Variants in PGM1 observed in about 807,000 individuals in gnomAD.
The protein encoded by PGM1 is phosphoglucomutase-1.
PGM1 carries 52 observed loss-of-function variants against 55.6 expected under a neutral mutation model. The observed-to-expected ratio is 0.94, with a 90% CI of 0.75 to 1.18. PGM1 has a LOEUF of 1.18. PGM1 is among the 50% of genes most tolerant of loss of function. The pLI, the probability that PGM1 is intolerant of heterozygous loss-of-function variation, is 0.00. For missense variants in PGM1, 724 were observed against 729.3 expected (o/e 0.99, Z 0.08); for synonymous variants, 287 against 271.7 (o/e 1.06, Z -0.55).
chr1:63,610,796 A>T (rs984055737), intron 1 of PGM1, among the ~76,000 whole-genome samples: 1 of 152,188 alleles, frequency 6.6e-6, no homozygotes, highest in Non-Finnish European at 1.5e-5. Flanking sequence ...ACTGTTCTGT[A>T]TAACTTTAGG....
chr1:63,648,432 G>A (rs1649710884), intron 7 of PGM1, 85 bp from the exon 8 acceptor site: 2 of 1,481,742 alleles, frequency 1.3e-6, no homozygotes, highest in African/African-American at 2.8e-5. Context: ...TTTGGGTGGG[G>A]ATGCAGAGCC....
At position 63,593,554 on chromosome 1, in the gene PGM1, G is replaced by T. The variant is rs751586075; in HGVS notation, c.66G>T (p.Leu22=). ...ACCAGAAGCCGGGCACGAGCGGGCT[G>T]CGGAAGCGGGTGAAGGTGTTCCAGA... is the stretch of plus-strand genomic sequence containing the variant. ...YQDQKPGTSG[L]RKRVKVFQSS... The change falls in exon 1 of 11, where the codon CTG becomes CTT. Residue 22 remains leucine, a synonymous_variant. Transcript: ENST00000371084. The T allele has an allele frequency of 1.2e-6, 2 of 1,613,784 alleles. No homozygotes were observed. The highest frequency in any genetic ancestry group is 2.7e-5 in the African/African-American group (2 of 74,936).
chr1:63,631,534 G>A lies in PGM1; in HGVS notation c.557-123G>A, dbSNP rs1265127513. ...ATCACTTAACAGCCGTATTATTGGA[G>A]CTGTTCAATAATTGTCCTTTTAAAA... On this transcript the variant is annotated intron_variant, in intron 3 of 10. Coordinates refer to ENST00000371084, the MANE Select transcript of PGM1 (RefSeq NM_002633.3). 2.3e-5 allele frequency: 20 copies of A among 854,758 alleles called. No homozygotes were observed. In the East Asian group the frequency reaches 4.9e-4, roughly 21 times the overall value. 52.9% of individuals were successfully genotyped at this position (854,758 alleles called of 1,614,324 possible).
intron 1 of PGM1, among the ~76,000 whole-genome samples, chr1:63,614,128 G>A (rs1648645600): frequency 6.6e-6 from 1 of 152,172 alleles, no homozygotes; most frequent in Non-Finnish European, 1.5e-5. Flanking sequence ...ACTGTGCTGA[G>A]CACTTTACAT....
At chr1:63,634,125 T>C (rs1649296835) in intron 4 of PGM1, among the ~76,000 whole-genome samples, 1 of 151,186 alleles carries the variant, frequency 6.6e-6, no homozygotes, top group Admixed American at 6.6e-5. Flanking sequence ...CTTGTCATAA[T>C]ATAAAGATAA....
chr1:63,648,657 G>A lies in PGM1; in HGVS notation c.1280+5G>A. On this transcript the variant is annotated splice_donor_5th_base_variant and intron_variant, in intron 8 of 10. Coordinates refer to ENST00000371084, the MANE Select transcript of PGM1 (RefSeq NM_002633.3). ...TGGCCGGAATTTCTTCACCAGGTGA[G>A]CCACAGCCCAGCTGGGGTACAAGGT... The A allele has an allele frequency of 6.2e-7, 1 of 1,613,710 alleles. No individual in the cohort carries two copies.
chr1:63,643,152 T>C (rs1649561018), intron 7 of PGM1, among the ~76,000 whole-genome samples: 2 of 152,172 alleles, frequency 1.3e-5, no homozygotes, highest in Admixed American at 6.5e-5. Context: ...CAGGGGAAGA[T>C]TGTAGCACCC....
At chr1:63,608,880 T>C (rs1471951405) in intron 1 of PGM1, among the ~76,000 whole-genome samples, 1 of 152,220 alleles carries the variant, frequency 6.6e-6, no homozygotes, top group Admixed American at 6.5e-5. Flanking sequence ...AATCGTAATA[T>C]CTGCCTTGAA....
chr1:63,620,478 C>A (rs1408449344), intron 1 of PGM1, among the ~76,000 whole-genome samples: 4 of 152,088 alleles, frequency 2.6e-5, no homozygotes, highest in Non-Finnish European at 4.4e-5. Flanking sequence ...TCCCTTATGC[C>A]CACTCCTGGG....
chr1:63,616,402 G>T (rs186519786), intron 1 of PGM1, among the ~76,000 whole-genome samples: 1 of 152,284 alleles, frequency 6.6e-6, no homozygotes, highest in Admixed American at 6.5e-5. Flanking sequence ...GTTCAGAATG[G>T]CAATTATGCA....
chr1:63,595,255 A>T (rs947033564), intron 1 of PGM1, among the ~76,000 whole-genome samples: 1 of 152,208 alleles, frequency 6.6e-6, no homozygotes, highest in Non-Finnish European at 1.5e-5. Flanking sequence ...TATAAGGTAG[A>T]TGCTATTATG....
intron 1 of PGM1, among the ~76,000 whole-genome samples, chr1:63,625,776 A>G (rs775046105): frequency 5.9e-5 from 9 of 151,570 alleles, no homozygotes; most frequent in Non-Finnish European, 1.0e-4. Flanking sequence ...GTTTCTCTTC[A>G]TTTTTTATTT....
intron 10 of PGM1, among the ~76,000 whole-genome samples, chr1:63,657,433 G>C (rs956153077): frequency 6.6e-6 from 1 of 152,072 alleles, no homozygotes; most frequent in African/African-American, 2.4e-5. Flanking sequence ...ACTGTGGCTG[G>C]CATATAGGAT....
rs978460356 is a variant in PGM1 at position 63,651,871 on chromosome 1, G to C, written c.1464+19G>C. 4 of 1,603,346 alleles carry C rather than the reference G, an allele frequency of 2.5e-6. No homozygotes were observed. Among genetic ancestry groups the C allele is most frequent in the South Asian group, 2.2e-5 (2 of 90,832 alleles). ...AAATCAGGTAGAAACAGACCGGTGT[G>C]TAAGTGAGAGAGAGACCTCAGAGCT... On this transcript the variant is annotated intron_variant, in intron 9 of 10. Coordinates refer to ENST00000371084, the MANE Select transcript of PGM1 (RefSeq NM_002633.3).
intron 7 of PGM1, among the ~76,000 whole-genome samples, chr1:63,643,660 C>T (rs1649575429): frequency 6.6e-6 from 1 of 152,204 alleles, no homozygotes; most frequent in African/African-American, 2.4e-5. Flanking sequence ...GCTGAGCCTC[C>T]CAGCCAGTCA....
intron 5 of PGM1, among the ~76,000 whole-genome samples, chr1:63,635,307 C>T (rs1334211621): frequency 6.6e-6 from 1 of 152,166 alleles, no homozygotes; most frequent in Non-Finnish European, 1.5e-5. Context: ...TGGGTGAGTT[C>T]TAGATGCCTG....
Position 63,593,504 on chromosome 1 carries a change from A to G in PGM1, c.16A>G (p.Thr6Ala). The G allele has an allele frequency of 3.7e-6, 6 of 1,613,740 alleles. No individual in the cohort carries two copies. The highest frequency in any genetic ancestry group is 5.1e-6 in the Non-Finnish European group (6 of 1,179,906). Residue 6 changes from threonine (T) to alanine (A), a missense_variant, in exon 1 of 11, where the codon ACA becomes GCA. Coordinates refer to ENST00000371084, the MANE Select transcript of PGM1 (RefSeq NM_002633.3). ...AGTCGCCACCATGGTGAAGATCGTG[A>G]CAGTTAAGACCCAGGCGTACCAGGA... is the stretch of plus-strand genomic sequence containing the variant. MVKIV[T>A]VKTQAYQDQK...
At chr1:63,627,065 C>CCAA (rs1649041327) in intron 1 of PGM1, among the ~76,000 whole-genome samples, 2 of 98,304 alleles carry the variant, frequency 2.0e-5, no homozygotes, top group African/African-American at 7.3e-5. Flanking sequence ...CCCCCCCCCC[C>CCAA]CACACACACA....
intron 5 of PGM1, 59 bp from the exon 6 acceptor site, chr1:63,636,175 A>G: frequency 1.4e-6 from 2 of 1,477,096 alleles, no homozygotes; most frequent in Non-Finnish European, 1.9e-6. Context: ...CATGAAAGAT[A>G]GTTTGATTTC....
Sources: gnomAD v4.1 joint callset for allele counts (sites outside exome capture counted in the v4.1 genomes callset) on GRCh38, gnomAD v4.1.1 for gene constraint, MANE v1.5 for transcripts, NCBI Gene and HGNC (gene_info 2026-07-23, HGNC 2026-07-21) for gene names.